AMER3: variants seen among roughly 807,000 people sequenced by gnomAD.
AMER3 encodes the protein family with sequence similarity 123C.
For missense variants in AMER3, 1,201 were observed against 1,139.4 expected (o/e 1.05, Z -0.78); for synonymous variants, 541 against 485.5 (o/e 1.11, Z -1.50).
intron 1 of AMER3, 58 bp from the exon 2 acceptor site, chr2:130,761,996 T>C: frequency 6.7e-7 from 1 of 1,492,576 alleles, no homozygotes; most frequent in South Asian, 1.3e-5. Context: ...GGCAGGGTCT[T>C]CCAGAGCCCA....
chr2:130,763,660 C>A lies in AMER3; in HGVS notation c.1588C>A (p.Pro530Thr). 6.6e-7 allele frequency: 1 copy of A among 1,524,758 alleles called. No homozygotes were observed. The highest frequency in any genetic ancestry group is 2.4e-5 in the East Asian group (1 of 42,044). The allele number at this position is 1,524,758 out of a possible 1,614,324, so 94.5% of individuals were successfully genotyped here. The change falls in exon 2 of 2, where the codon CCA becomes ACA. Residue 530 changes from proline (P) to threonine (T), a missense_variant. Physicochemically the swap from Pro to Thr is conservative, Grantham distance 38. Coordinates refer to ENST00000321420, the MANE Select transcript of AMER3 (RefSeq NM_152698.3). ...ACCCACCCCTGGGCAGCCTGCAGCT[C>A]CACCTGGTTCCCAGGGAGCCCCTAG... ...APPTPGQPAA[P>T]PGSQGAPRAP...
At chr2:130,761,063 C>G (rs2104777023) in intron 1 of AMER3, among the ~76,000 whole-genome samples, 1 of 152,286 alleles carries the variant, frequency 6.6e-6, no homozygotes, top group Middle Eastern at 3.4e-3. Context: ...GGCAAGTCCT[C>G]TCTGCTCACA....
Position 130,763,908 on chromosome 2 carries a change from G to A in AMER3, c.1836G>A (p.Leu612=). 1 of 1,613,654 alleles carries A rather than the reference G, an allele frequency of 6.2e-7. No individual in the cohort carries two copies. The highest frequency in any genetic ancestry group is 8.5e-7 in the Non-Finnish European group (1 of 1,180,020). The change falls in exon 2 of 2, where the codon TTG becomes TTA. Residue 612 remains leucine, a synonymous_variant. Transcript: ENST00000321420. ...EEETRGHSEG[L]FSSMESAATS... is the part of the protein sequence containing the mutation. ...AGACACGAGGTCACTCTGAAGGCTT[G>A]TTCTCCTCTATGGAGTCTGCAGCCA...
At chr2:130,758,149 C>CA (rs1678667197) in intron 1 of AMER3, among the ~76,000 whole-genome samples, 1 of 146,916 alleles carries the variant, frequency 6.8e-6, no homozygotes, top group Non-Finnish European at 1.5e-5. Flanking sequence ...CAAAACAAAA[C>CA]AAAAAACCCA....
rs192188900 is a variant in AMER3 at position 130,760,395 on chromosome 2, G to T, written c.-19-1659G>T. On this transcript the variant is annotated intron_variant, in intron 1 of 1. Coordinates refer to ENST00000321420, the MANE Select transcript of AMER3 (RefSeq NM_152698.3). ...TATGAGGCAGTCCCTCGCCCCCCTG[G>T]GTCCTCATGAAGAAGCATTTCAGGG... Among the ~76,000 whole-genome samples the T allele has an allele frequency of 1.1e-3, 174 of 152,286 alleles. 2 individuals are homozygous for T. Among genetic ancestry groups the T allele is most frequent in the African/African-American group, 4.0e-3 (168 of 41,556 alleles).
intron 1 of AMER3, among the ~76,000 whole-genome samples, chr2:130,761,436 C>T (rs944515684): frequency 6.6e-6 from 1 of 152,252 alleles, no homozygotes; most frequent in Non-Finnish European, 1.5e-5. Flanking sequence ...GCTCACCTCC[C>T]ACCACGATGC....
chr2:130,756,668 G>A (rs1321701418), intron 1 of AMER3, among the ~76,000 whole-genome samples: 1 of 152,160 alleles, frequency 6.6e-6, no homozygotes, highest in Non-Finnish European at 1.5e-5. Flanking sequence ...TTGCCCCTGG[G>A]CAGGCCAGGA....
chr2:130,766,082 G>A lies in AMER3; in HGVS notation c.*1424G>A, dbSNP rs768305119. 1.8e-5 allele frequency: 3 copies of A among 167,056 alleles called. No homozygotes were observed. Among genetic ancestry groups the A allele is most frequent in the Admixed American group, 6.5e-5 (1 of 15,292 alleles). 10.3% of individuals were successfully genotyped at this position (167,056 alleles called of 1,614,324 possible). ...AACATGATGCAACTATCCCGGGATT[G>A]TGATTTTTAAGACTTTAGATGTTAG... On this transcript the variant is annotated 3_prime_UTR_variant, in exon 2 of 2. Transcript: ENST00000321420.
In AMER3 at chr2:130,764,211, C is replaced by T. The variant is rs761638249; in HGVS notation, c.2139C>T (p.Gly713=). The change falls in exon 2 of 2, where the codon GGC becomes GGT. Residue 713 remains glycine, a synonymous_variant. Transcript: ENST00000321420. The part of the protein sequence containing the change: ...SGLFGQRWAR[G]PDMLEQKQSS... ...TCTTTGGGCAGCGCTGGGCCAGGGG[C>T]CCTGACATGCTGGAGCAGAAACAGT... 1.9e-6 allele frequency: 3 copies of T among 1,609,168 alleles called. No homozygotes were observed. Among genetic ancestry groups the T allele is most frequent in the Admixed American group, 3.4e-5 (2 of 59,642 alleles).
chr2:130,760,264 C>T (rs1269007289), intron 1 of AMER3, among the ~76,000 whole-genome samples: 1 of 152,174 alleles, frequency 6.6e-6, no homozygotes, highest in Admixed American at 6.5e-5. Flanking sequence ...AAGCACTTCC[C>T]TTGGGTGGGA....
rs899628315 is a variant in AMER3 at position 130,758,113 on chromosome 2, G to A, written c.-20+2439G>A. On this transcript the variant is annotated intron_variant, in intron 1 of 1. Coordinates refer to ENST00000321420, the MANE Select transcript of AMER3 (RefSeq NM_152698.3). ...CACGCCACTGCACTCCAGCCTGGGC[G>A]ACAGAGCGAGATTCCATCAAAAAAA... Among the ~76,000 whole-genome samples, 7 of 150,704 alleles carry A rather than the reference G, an allele frequency of 4.6e-5. No homozygotes were observed. The South Asian group carries it at 8.5e-4, about 18-fold the overall frequency.
Position 130,762,340 on chromosome 2 carries a change from C to T in AMER3, c.268C>T (p.Arg90Ter). The stretch of plus-strand genomic sequence containing the variant: ...CTGTGGAGCCACCTTCAAACCGGTG[C>T]GAAAGTGCAAGACTCACGACAGCAT... ...ALCGATFKPV[R>*]KCKTHDSMSG... Residue 90 changes from arginine (R) to a stop codon, truncating the protein, a stop_gained, in exon 2 of 2, where the codon CGA becomes TGA. Transcript: ENST00000321420. LOFTEE classifies it low-confidence loss of function (END_TRUNC). 1.9e-6 allele frequency: 3 copies of T among 1,611,188 alleles called. No homozygotes were observed. The highest frequency in any genetic ancestry group is 2.2e-5 in the East Asian group (1 of 44,822).
At chr2:130,759,543 A>G (rs1678715497) in intron 1 of AMER3, among the ~76,000 whole-genome samples, 1 of 152,244 alleles carries the variant, frequency 6.6e-6, no homozygotes, top group Admixed American at 6.5e-5. Context: ...CTCATAATGA[A>G]TATTTCCAAA....
intron 1 of AMER3, among the ~76,000 whole-genome samples, chr2:130,761,261 T>C (rs141164251): frequency 1.3e-5 from 2 of 152,322 alleles, no homozygotes; most frequent in Admixed American, 1.3e-4. Flanking sequence ...TCTGTCCACC[T>C]CCATGCCCAG....
chr2:130,762,118 G>C lies in AMER3; in HGVS notation c.46G>C (p.Val16Leu), dbSNP rs1254182537. 6.2e-7 allele frequency: 1 copy of C among 1,611,270 alleles called. No individual in the cohort carries two copies. The highest frequency in any genetic ancestry group is 1.1e-5 in the South Asian group (1 of 90,600). Residue 16 changes from valine to leucine, a missense_variant, in exon 2 of 2, where the codon GTT (valine) becomes CTT (leucine). Coordinates refer to ENST00000321420, the MANE Select transcript of AMER3 (RefSeq NM_152698.3). The stretch of plus-strand genomic sequence containing the variant: ...GACCTTCATCAAGTCCAGCCTGCAG[G>C]TTTCCCACGAGAAACCCCCAGACCC... ...GKTFIKSSLQ[V>L]SHEKPPDPAA...
rs1343314393 is a variant in AMER3, at chr2:130,762,815, C to T, written c.743C>T (p.Thr248Met). 3.7e-6 allele frequency: 6 copies of T among 1,613,110 alleles called. No homozygotes were observed. Among genetic ancestry groups the T allele is most frequent in the Non-Finnish European group, 4.2e-6 (5 of 1,179,758 alleles). Residue 248 changes from threonine (T) to methionine (M), a missense_variant, in exon 2 of 2, where the codon ACG becomes ATG. Transcript: ENST00000321420. ...TCACTCCAGAGCTTCGACTCGCTCA[C>T]GGGTTGTGGGGAGGTGTTCGCAGAT... ...VASLQSFDSLTGCGEVFADES... is the reference protein window; with the variant it reads ...VASLQSFDSLMGCGEVFADES...
In AMER3 at chr2:130,763,596, C is replaced by T. The variant is rs773223965; in HGVS notation, c.1524C>T (p.Ile508=). Residue 508 remains isoleucine, a synonymous_variant, in exon 2 of 2, where the codon ATC becomes ATT. Transcript: ENST00000321420. ...CDTELAITMG[I]VSWLRRGPTP... ...CTGAGCTCGCCATCACCATGGGCAT[C>T]GTCAGCTGGCTGCGCCGAGGCCCCA... 9 of 1,604,722 alleles carry T rather than the reference C, an allele frequency of 5.6e-6. No individual in the cohort carries two copies. Among genetic ancestry groups the T allele is most frequent in the Admixed American group, 5.1e-5 (3 of 59,282 alleles).
chr2:130,762,812 T>C lies in AMER3; in HGVS notation c.740T>C (p.Leu247Pro). 6.2e-7 allele frequency: 1 copy of C among 1,613,284 alleles called. No individual in the cohort carries two copies. Among genetic ancestry groups the C allele is most frequent in the East Asian group, 2.2e-5 (1 of 44,850 alleles). ...GCCTCACTCCAGAGCTTCGACTCGC[T>C]CACGGGTTGTGGGGAGGTGTTCGCA... is the stretch of plus-strand genomic sequence containing the variant. Reference protein sequence around the residue: ...DVASLQSFDSLTGCGEVFADE... With the variant: ...DVASLQSFDSPTGCGEVFADE... The change falls in exon 2 of 2, where the codon CTC becomes CCC. Residue 247 changes from leucine to proline, a missense_variant. Leu to Pro is a moderately conservative substitution (Grantham distance 98). Coordinates refer to ENST00000321420, the MANE Select transcript of AMER3 (RefSeq NM_152698.3).
In AMER3 at chr2:130,761,930, A is replaced by T. The variant is rs528279042; in HGVS notation, c.-19-124A>T. ...CTCCCATCTTTCTCCCCCACCTGCAAGGAGGATCTCCTGGGACAGAGGCCC... is the reference window on the plus strand; with the variant it reads ...CTCCCATCTTTCTCCCCCACCTGCATGGAGGATCTCCTGGGACAGAGGCCC... On this transcript the variant is annotated intron_variant, in intron 1 of 1. Transcript: ENST00000321420. The T allele has an allele frequency of 2.6e-5, 25 of 953,126 alleles. No individual in the cohort carries two copies. The Admixed American group carries it at 4.6e-4, about 18-fold the overall frequency. 59.0% of individuals were successfully genotyped at this position (953,126 alleles called of 1,614,324 possible).
Sources: gnomAD v4.1 joint callset for allele counts (sites outside exome capture counted in the v4.1 genomes callset) on GRCh38, gnomAD v4.1.1 for gene constraint, MANE v1.5 for transcripts, NCBI Gene and HGNC (gene_info 2026-07-23, HGNC 2026-07-21) for gene names.